The following PCDHA5 variants were observed in gnomAD, a reference collection of about 807,000 sequenced individuals.
The protein encoded by PCDHA5 is protocadherin alpha-5.
A neutral mutation model predicts 61.6 loss-of-function variants in PCDHA5; 43 were observed. The observed-to-expected ratio is 0.70, with a 90% confidence interval of 0.55 to 0.90. PCDHA5 has a LOEUF of 0.90. Ranked by LOEUF, PCDHA5 falls within the 40% of genes least tolerant of loss-of-function variation. The probability of loss-of-function intolerance (pLI) is 0.00; values close to 1 mark genes in which losing one functional copy is unlikely to be tolerated. For synonymous variants in PCDHA5, 627 were observed against 543.9 expected (o/e 1.15, Z -2.13); for missense variants, 1,298 against 1,222.7 (o/e 1.06, Z -0.92).
intron 1 of PCDHA5, among the ~76,000 whole-genome samples, chr5:140,894,240 ATTTTC>A (rs2064382890): frequency 6.6e-6 from 1 of 151,828 alleles, no homozygotes; most frequent in African/African-American, 2.4e-5. Flanking sequence ...TGACAATGTA[ATTTTC>A]TTTTCTTTAC....
rs782776341 is a variant in PCDHA5 at position 140,884,056 on chromosome 5, G to A, written c.2352+59929G>A. On this transcript the variant is annotated intron_variant, in intron 1 of 3. Coordinates refer to ENST00000529859, the MANE Select transcript of PCDHA5 (RefSeq NM_018908.3). ...GCCACGTGGTGGCGAAGGTGCGCGC[G>A]GTGGACGCCGATTCGGGCTACAATG... 3.1e-6 allele frequency: 5 copies of A among 1,613,476 alleles called. No homozygotes were observed. In the South Asian group the frequency reaches 4.4e-5, roughly 14 times the overall value.
intron 1 of PCDHA5, chr5:140,877,773 G>A (rs1554170103): frequency 2.5e-6 from 4 of 1,614,166 alleles, no homozygotes; most frequent in South Asian, 2.2e-5. Flanking sequence ...CGCCCAAGAC[G>A]GACCTCATGG....
chr5:140,849,574 A>G (rs2150440972), intron 1 of PCDHA5: 1 of 1,598,696 alleles, frequency 6.3e-7, no homozygotes, highest in East Asian at 2.2e-5. Context: ...GTTCCTGTAA[A>G]AGAGGACGCA....
intron 1 of PCDHA5, chr5:140,860,474 TA>T (rs1293657242): frequency 6.6e-6 from 1 of 152,154 alleles, no homozygotes; most frequent in African/African-American, 2.4e-5. Context: ...GTTGGTGCAG[TA>T]GTACTTTATT....
intron 1 of PCDHA5, chr5:140,828,163 G>T (rs1244863106): frequency 1.9e-6 from 3 of 1,614,068 alleles, no homozygotes; most frequent in Non-Finnish European, 2.5e-6. Context: ...TCGCAGCCTG[G>T]AAGGTGGGGA....
intron 1 of PCDHA5, chr5:140,850,189 T>C: frequency 6.3e-7 from 1 of 1,593,496 alleles, no homozygotes; most frequent in South Asian, 1.1e-5. Flanking sequence ...GCGCCGGCGC[T>C]GCTGACACCT....
rs1767853747 is a variant in PCDHA5, at chr5:140,823,742, C to T, written c.1967C>T (p.Pro656Leu). The change falls in exon 1 of 4, where the codon CCC becomes CTC. Residue 656 changes from proline to leucine, a missense_variant. Physicochemically the swap from Pro to Leu is moderately conservative, Grantham distance 98. Transcript: ENST00000529859. ...LLVLVKDHGE[P>L]PLTATATVLV... The stretch of plus-strand genomic sequence containing the variant: ...GTGCTGGTGAAGGACCATGGAGAGC[C>T]CCCGCTGACAGCCACAGCCACAGTG... 1.2e-6 allele frequency: 2 copies of T among 1,613,716 alleles called. No individual in the cohort carries two copies. Among genetic ancestry groups the T allele is most frequent in the Non-Finnish European group, 1.7e-6 (2 of 1,179,932 alleles).
chr5:140,835,572 T>G lies in PCDHA5; in HGVS notation c.2352+11445T>G, dbSNP rs2150238543. The G allele has an allele frequency of 3.1e-6, 5 of 1,613,896 alleles. 1 individual carries two copies. In the South Asian group the frequency reaches 5.5e-5, roughly 18 times the overall value. ...CCTGACGCCCCGCGTTCCCTTCAAG[T>G]TGGTGTCCACCTTCAAGAATTACTA... On this transcript the variant is annotated intron_variant, in intron 1 of 3. Transcript: ENST00000529859.
intron 1 of PCDHA5, chr5:140,861,762 T>G (rs2047066854): frequency 1.1e-5 from 1 of 90,318 alleles, no homozygotes; most frequent in Non-Finnish European, 2.3e-5. Context: ...TATTTTTCCC[T>G]GGAAATACCA....
chr5:140,829,163 C>G, intron 1 of PCDHA5: 24 of 1,614,024 alleles, frequency 1.5e-5, no homozygotes, highest in Non-Finnish European at 2.0e-5. Flanking sequence ...CTTATCCTTG[C>G]CTGTACGTGA....
At chr5:140,991,420 A>G (rs1413227137) in intron 3 of PCDHA5, among the ~76,000 whole-genome samples, 2 of 152,234 alleles carry the variant, frequency 1.3e-5, no homozygotes, top group Admixed American at 6.5e-5. Flanking sequence ...GCTATAACAA[A>G]TTAACCATAA....
intron 3 of PCDHA5, among the ~76,000 whole-genome samples, chr5:140,982,824 GGTTT>G (rs74513655): frequency 0.037 from 5,640 of 152,044 alleles, 162 homozygotes; most frequent in Non-Finnish European, 0.055. Flanking sequence ...AAGTTTTTGG[GGTTT>G]GTTTGTTTGT....
In PCDHA5 at chr5:140,982,474, G is replaced by C. The variant is rs2096985354; in HGVS notation, c.2412-1G>C. On this transcript the variant is annotated splice_acceptor_variant, in intron 2 of 3. Coordinates refer to ENST00000529859, the MANE Select transcript of PCDHA5 (RefSeq NM_018908.3). LOFTEE classifies it high-confidence loss of function. ...TTATCTGGGTCTGTGTGTTTATTCA[G>C]CTCTGTGCACCTAGAGGAGGCTGGC... 3 of 1,614,164 alleles carry C rather than the reference G, an allele frequency of 1.9e-6. No individual in the cohort carries two copies. The highest frequency in any genetic ancestry group is 2.5e-6 in the Non-Finnish European group (3 of 1,180,024).
chr5:140,863,445 C>A, intron 1 of PCDHA5: 1 of 582,886 alleles, frequency 1.7e-6, no homozygotes, highest in South Asian at 1.4e-5. Flanking sequence ...GTCTTACTCG[C>A]AGCAAAGGAG....
intron 1 of PCDHA5, chr5:140,843,791 A>G (rs2150366777): frequency 7.3e-7 from 1 of 1,376,400 alleles, no homozygotes; most frequent in Admixed American, 2.2e-5. Flanking sequence ...TTTCAGATTT[A>G]GTTTTTCACC....
intron 1 of PCDHA5, among the ~76,000 whole-genome samples, chr5:140,893,912 G>A (rs1254345100): frequency 6.6e-6 from 1 of 152,124 alleles, no homozygotes; most frequent in Non-Finnish European, 1.5e-5. Flanking sequence ...TGAATTTGTG[G>A]TCTTTTTCAG....
intron 1 of PCDHA5, among the ~76,000 whole-genome samples, chr5:140,897,061 T>C (rs1554187169): frequency 6.6e-6 from 1 of 152,134 alleles, no homozygotes; most frequent in Admixed American, 6.6e-5. Context: ...TCAAATACTA[T>C]GTCTTATTCA....
chr5:140,906,486 A>C (rs2072686991), intron 1 of PCDHA5, among the ~76,000 whole-genome samples: 1 of 152,270 alleles, frequency 6.6e-6, no homozygotes, highest in East Asian at 1.9e-4. Context: ...GTATAAATGC[A>C]CAAACATGTT....
rs2150406668 is a variant in PCDHA5, at chr5:140,848,164, G to C, written c.2352+24037G>C. ...TAGAGGCAGTCAGTCTGCTAAGAAG[G>C]CTCCAGCAAGAGAAACGGGATCTTC... On this transcript the variant is annotated intron_variant, in intron 1 of 3. Transcript: ENST00000529859. 62 of 251,046 alleles carry C rather than the reference G, an allele frequency of 2.5e-4. 5 individuals are homozygous for C. Among genetic ancestry groups the C allele is most frequent in the African/African-American group, 1.2e-3 (56 of 44,864 alleles). The allele number at this position is 251,046 out of a possible 1,614,324, so 15.6% of individuals were successfully genotyped here.
Sources: allele counts gnomAD v4.1 joint callset (sites outside exome capture counted in the v4.1 genomes callset), GRCh38; gene constraint gnomAD v4.1.1; transcripts MANE v1.5; gene names NCBI Gene and HGNC (gene_info 2026-07-23, HGNC 2026-07-21).